SLC22A24: variants seen among roughly 807,000 people sequenced by gnomAD.
SLC22A24 encodes the protein steroid transmembrane transporter SLC22A24.
In SLC22A24, 53 loss-of-function variants were observed where a neutral mutation model predicts 49.8. The observed-to-expected ratio is 1.06, with a 90% CI of 0.85 to 1.34. The LOEUF (loss-of-function observed/expected upper bound fraction) is 1.34, where lower values mean the gene tolerates loss of function less well. Among genes scored for constraint, SLC22A24 ranks in the 40% most tolerant of loss-of-function variants. The pLI, the probability that SLC22A24 is intolerant of heterozygous loss-of-function variation, is 0.00. For missense variants in SLC22A24, 786 were observed against 675.9 expected (o/e 1.16, Z -1.81); for synonymous variants, 302 against 256.4 (o/e 1.18, Z -1.70).
intron 4 of SLC22A24, among the ~76,000 whole-genome samples, chr11:63,113,688 T>C (rs1177758083): frequency 6.6e-6 from 1 of 151,900 alleles, no homozygotes; most frequent in Non-Finnish European, 1.5e-5. Context: ...ACCCCATCTC[T>C]ACTAAAAATA....
intron 2 of SLC22A24, among the ~76,000 whole-genome samples, chr11:63,121,437 A>G (rs1486713304): frequency 6.6e-6 from 1 of 152,092 alleles, no homozygotes; most frequent in Non-Finnish European, 1.5e-5. Flanking sequence ...TTGTTGGGGG[A>G]TCACTATGAA....
At chr11:63,102,928 G>T (rs2087099927) in intron 5 of SLC22A24, among the ~76,000 whole-genome samples, 1 of 152,116 alleles carries the variant, frequency 6.6e-6, no homozygotes, top group African/African-American at 2.4e-5. Flanking sequence ...TGCTGGATGT[G>T]TTGGAGACAG....
At chr11:63,113,203 CATATATAT>C (rs1392395181) in intron 4 of SLC22A24, among the ~76,000 whole-genome samples, 1 of 3,738 alleles carries the variant, frequency 2.7e-4, no homozygotes, top group African/African-American at 5.6e-4. Flanking sequence ...TATATATATA[CATATATAT>C]ACACATATAT....
At chr11:63,137,250 GA>G (rs2087381933) in intron 1 of SLC22A24, among the ~76,000 whole-genome samples, 1 of 152,222 alleles carries the variant, frequency 6.6e-6, no homozygotes, top group South Asian at 2.1e-4. Context: ...ATGGAGAATA[GA>G]AGGATAGTTT....
intron 2 of SLC22A24, among the ~76,000 whole-genome samples, chr11:63,130,625 G>A (rs963025823): frequency 1.3e-5 from 2 of 152,110 alleles, no homozygotes; most frequent in African/African-American, 2.4e-5. Context: ...TGATTGGTGG[G>A]CTGTTAATTA....
intron 7 of SLC22A24, 34 bp from the exon 8 acceptor site, chr11:63,081,700 C>G (rs977091329): frequency 4.2e-6 from 6 of 1,437,140 alleles, no homozygotes; most frequent in Non-Finnish European, 5.8e-6. Flanking sequence ...GAAATCTTGC[C>G]TGAAGAAACT....
At position 63,084,715 on chromosome 11, in the gene SLC22A24, C is replaced by T. The variant is rs61348437; in HGVS notation, c.1071-1258G>A. ...TCTAGGTATGTAGAGTGTAGAAACC[C>T]GGCTCACAGATTATACAAGTGGAGA... is the stretch of plus-strand genomic sequence containing the variant. On this transcript the variant is annotated intron_variant, in intron 6 of 9. Transcript: ENST00000612278. Among the ~76,000 whole-genome samples the T allele has an allele frequency of 9.8e-3, 1,484 of 152,108 alleles. 31 individuals carry two copies. The highest frequency in any genetic ancestry group is 0.032 in the African/African-American group (1,310 of 41,482).
In SLC22A24 at chr11:63,104,225, C is replaced by A; in HGVS notation, c.904G>T (p.Val302Phe). 1 of 1,550,730 alleles carries A rather than the reference C, an allele frequency of 6.4e-7. No individual in the cohort carries two copies. The highest frequency in any genetic ancestry group is 8.7e-7 in the Non-Finnish European group (1 of 1,146,854). The change falls in exon 5 of 10, where the codon GTT becomes TTT. Residue 302 changes from valine (V) to phenylalanine (F), a missense_variant. By Grantham distance (50) the Val-to-Phe change is conservative. Coordinates refer to ENST00000612278, the MANE Select transcript of SLC22A24 (RefSeq NM_001136506.2). ...LDEGLKELRR[V>F]AHINGKKNTE... ...TTCTTTTTTCCATTTATGTGTGCAA[C>A]TCTTCTAAGCTCCTTTAAGCCCTCA...
At position 63,098,284 on chromosome 11, in the gene SLC22A24, A is replaced by G. The variant is rs143802606; in HGVS notation, c.955-2178T>C. ...ACTATCTTGAACCAAATGAAAGTGG[A>G]CACACAACATACCAAAACCTATGGG... is the stretch of plus-strand genomic sequence containing the variant. On this transcript the variant is annotated intron_variant, in intron 5 of 9. Coordinates refer to ENST00000612278, the MANE Select transcript of SLC22A24 (RefSeq NM_001136506.2). Among the ~76,000 whole-genome samples the G allele has an allele frequency of 9.2e-5, 14 of 152,312 alleles. No individual in the cohort carries two copies. In the East Asian group the frequency reaches 2.7e-3, roughly 29 times the overall value.
intron 4 of SLC22A24, among the ~76,000 whole-genome samples, chr11:63,109,002 C>T (rs1046493554): frequency 1.7e-5 from 2 of 117,600 alleles, no homozygotes; most frequent in African/African-American, 6.5e-5. Flanking sequence ...CCCCCTCCCC[C>T]CACCCCACAA....
chr11:63,142,870 T>G (rs1033618865), intron 1 of SLC22A24, among the ~76,000 whole-genome samples: 1 of 152,136 alleles, frequency 6.6e-6, no homozygotes, highest in Non-Finnish European at 1.5e-5. Context: ...CCCCGAATGC[T>G]CAGGGAGACT....
At chr11:63,134,620 A>G (rs570732900) in intron 2 of SLC22A24, 45 bp downstream of exon 2, 62 of 1,084,472 alleles carry the variant, frequency 5.7e-5, no homozygotes, top group Non-Finnish European at 8.4e-5. Flanking sequence ...AGGAATGAAT[A>G]TATCATCTGA....
Position 63,081,055 on chromosome 11 carries a change from G to T in SLC22A24, c.1463C>A (p.Thr488Asn), listed in dbSNP as rs991464231. ...TAGGTGGGGAGAATACGCCATTAAG[G>T]TCATCAACAGAGGAGCCAGTGCTGC... ...TGAALAPLLM[T>N]LMAYSPHLPW... Residue 488 changes from threonine to asparagine, a missense_variant, in exon 9 of 10, where the codon ACC (threonine) becomes AAC (asparagine). Transcript: ENST00000612278. The T allele has an allele frequency of 3.9e-6, 6 of 1,551,512 alleles. No individual in the cohort carries two copies. In the Admixed American group the frequency reaches 9.8e-5, roughly 25 times the overall value.
At chr11:63,092,065 A>C (rs2087023709) in intron 6 of SLC22A24, among the ~76,000 whole-genome samples, 1 of 152,202 alleles carries the variant, frequency 6.6e-6, no homozygotes, top group South Asian at 2.1e-4. Flanking sequence ...CTCAGGATAC[A>C]AAATCAATAT....
chr11:63,136,759 G>T (rs2087378129), intron 1 of SLC22A24, among the ~76,000 whole-genome samples: 1 of 152,218 alleles, frequency 6.6e-6, no homozygotes, highest in African/African-American at 2.4e-5. Flanking sequence ...CCTGCCCATG[G>T]TTCAGTGGCC....
chr11:63,087,480 A>G (rs1018272821), intron 6 of SLC22A24, among the ~76,000 whole-genome samples: 1 of 152,220 alleles, frequency 6.6e-6, no homozygotes, highest in Non-Finnish European at 1.5e-5. Flanking sequence ...GGCTTCAAGC[A>G]CAAAACTAGG....
rs545190332 is a variant in SLC22A24 at position 63,117,594 on chromosome 11, AG to A, written c.830+1317del. On this transcript the variant is annotated intron_variant, in intron 4 of 9. Transcript: ENST00000612278. ...ACTCCTCCTCTTCTTTCCTCTCCTC[AG>A]CCTACTTAACATGAAGATGTTAAGG... Among the ~76,000 whole-genome samples, 641 of 152,230 alleles carry A rather than the reference AG, an allele frequency of 4.2e-3. 4 individuals carry two copies. The highest frequency in any genetic ancestry group is 0.014 in the African/African-American group (588 of 41,556).
chr11:63,139,358 T>C (rs1440188403), intron 1 of SLC22A24, among the ~76,000 whole-genome samples: 1 of 152,194 alleles, frequency 6.6e-6, no homozygotes, highest in Non-Finnish European at 1.5e-5. Flanking sequence ...AAATGCTGTG[T>C]TCTGTTTCGC....
At chr11:63,103,251 A>T (rs2087101900) in intron 5 of SLC22A24, among the ~76,000 whole-genome samples, 1 of 152,100 alleles carries the variant, frequency 6.6e-6, no homozygotes, top group Non-Finnish European at 1.5e-5. Flanking sequence ...TATACCAACC[A>T]GTTCATTTTA....
Sources: allele counts gnomAD v4.1 joint callset (sites outside exome capture counted in the v4.1 genomes callset), GRCh38; gene constraint gnomAD v4.1.1; transcripts MANE v1.5; gene names NCBI Gene and HGNC (gene_info 2026-07-23, HGNC 2026-07-21).